The following AZI2 variants were observed in gnomAD, a reference collection of about 807,000 sequenced individuals.
The protein encoded by AZI2 is 5-azacytidine-induced protein 2.
AZI2 carries 22 observed loss-of-function variants against 45.8 expected under a neutral mutation model. The ratio of observed to expected loss-of-function variants is 0.48; its 90% CI spans 0.34 to 0.69. The LOEUF (loss-of-function observed/expected upper bound fraction) is 0.69. Ranked by LOEUF, AZI2 falls within the 30% of genes least tolerant of loss-of-function variation. The pLI, the probability that AZI2 is intolerant of heterozygous loss-of-function variation, is 0.01. For synonymous variants in AZI2, 137 were observed against 156.7 expected (o/e 0.87, Z 0.94); for missense variants, 417 against 441.5 (o/e 0.94, Z 0.50).
chr3:28,343,515 T>C (rs1376257262), intron 1 of AZI2, among the ~76,000 whole-genome samples: 1 of 151,986 alleles, frequency 6.6e-6, no homozygotes, highest in Non-Finnish European at 1.5e-5. Flanking sequence ...GATTAAAGGG[T>C]GTGAATACTT....
chr3:28,338,998 G>A (rs60023459), intron 2 of AZI2, among the ~76,000 whole-genome samples: 1 of 143,236 alleles, frequency 7.0e-6, no homozygotes, highest in African/African-American at 2.6e-5. Flanking sequence ...TTTTTTTTTC[G>A]AGACTGAGTT....
intron 6 of AZI2, among the ~76,000 whole-genome samples, chr3:28,330,666 G>GTT (rs2125643871): frequency 6.6e-6 from 1 of 151,350 alleles, no homozygotes; most frequent in East Asian, 1.9e-4. Context: ...TTGGTTATAA[G>GTT]TTTTCTAGTA....
At chr3:28,338,675 T>G in intron 2 of AZI2, 60 bp from the exon 3 acceptor site, 1 of 1,481,210 alleles carries the variant, frequency 6.8e-7, no homozygotes, top group Non-Finnish European at 9.1e-7. Flanking sequence ...AAAAAATAAG[T>G]CAGTGTTCTG....
chr3:28,339,970 A>C (rs1343713984), intron 2 of AZI2, among the ~76,000 whole-genome samples: 2 of 152,182 alleles, frequency 1.3e-5, no homozygotes, highest in African/African-American at 4.8e-5. Flanking sequence ...CATGTGTTAA[A>C]GAAGAGAAAG....
chr3:28,326,707 G>C, intron 7 of AZI2, 125 bp downstream of exon 7: 1 of 793,630 alleles, frequency 1.3e-6, no homozygotes, highest in Non-Finnish European at 2.3e-6. Flanking sequence ...GGTAGGCTGC[G>C]AATGTACTAT....
rs1703408537 is a variant in AZI2, at chr3:28,326,830, G to A, written c.766+2C>T. On this transcript the variant is annotated splice_donor_variant, in intron 7 of 7. Coordinates refer to ENST00000479665, the MANE Select transcript of AZI2 (RefSeq NM_022461.5). LOFTEE classifies it low-confidence loss of function (GC_TO_GT_DONOR). ...AGTGGTTTCCGGTAAACAGTGACTT[G>A]CCTTTCTTGATTGCAGTTGAGGTTT... 1.3e-6 allele frequency: 2 copies of A among 1,597,672 alleles called. No homozygotes were observed. Among genetic ancestry groups the A allele is most frequent in the Non-Finnish European group, 1.7e-6 (2 of 1,166,096 alleles).
At chr3:28,330,154 C>T (rs1703520952) in intron 6 of AZI2, among the ~76,000 whole-genome samples, 1 of 151,074 alleles carries the variant, frequency 6.6e-6, no homozygotes, top group Non-Finnish European at 1.5e-5. Flanking sequence ...AACCTAAAGC[C>T]AAAATCAAAA....
At chr3:28,339,126 C>T (rs1335193502) in intron 2 of AZI2, among the ~76,000 whole-genome samples, 1 of 151,860 alleles carries the variant, frequency 6.6e-6, no homozygotes, top group Non-Finnish European at 1.5e-5. Flanking sequence ...AATATAGGTG[C>T]ACCACCACGC....
chr3:28,322,611 G>C lies in AZI2; in HGVS notation c.*1431C>G, dbSNP rs749940339. 1 of 151,544 alleles carries C rather than the reference G, an allele frequency of 6.6e-6. No individual in the cohort carries two copies. The highest frequency in any genetic ancestry group is 1.5e-5 in the Non-Finnish European group (1 of 67,412). 9.4% of individuals were successfully genotyped at this position (151,544 alleles called of 1,614,324 possible). ...TCCTTCAGCTAAAGCCTGGAGTATTGTATTTCTTTTATGCATATTGGGTTT... is the reference window on the plus strand; with the variant it reads ...TCCTTCAGCTAAAGCCTGGAGTATTCTATTTCTTTTATGCATATTGGGTTT... On this transcript the variant is annotated 3_prime_UTR_variant, in exon 8 of 8. Transcript: ENST00000479665.
At chr3:28,346,396 G>C (rs1704230581) in intron 1 of AZI2, among the ~76,000 whole-genome samples, 1 of 152,050 alleles carries the variant, frequency 6.6e-6, no homozygotes, top group Admixed American at 6.6e-5. Flanking sequence ...ACAGAGAGAA[G>C]GGAATTCACA....
At chr3:28,333,740 G>C (rs1217207252) in intron 5 of AZI2, among the ~76,000 whole-genome samples, 1 of 151,510 alleles carries the variant, frequency 6.6e-6, no homozygotes, top group Non-Finnish European at 1.5e-5. Context: ...ATGTCCTAAA[G>C]GTGGTAATGG....
intron 1 of AZI2, among the ~76,000 whole-genome samples, chr3:28,344,091 C>G (rs1704133812): frequency 6.6e-6 from 1 of 151,926 alleles, no homozygotes; most frequent in Non-Finnish European, 1.5e-5. Context: ...GGAAAAGCAG[C>G]ATCAAATTGC....
intron 6 of AZI2, chr3:28,331,679 A>C: frequency 7.7e-7 from 1 of 1,291,354 alleles, no homozygotes; most frequent in Non-Finnish European, 9.9e-7. Flanking sequence ...CCAAATGATA[A>C]AACAATGAAG....
intron 1 of AZI2, 35 bp from the exon 2 acceptor site, chr3:28,340,657 T>G: frequency 6.7e-7 from 1 of 1,487,080 alleles, no homozygotes; most frequent in Non-Finnish European, 9.2e-7. Flanking sequence ...GTGACAAATG[T>G]CTCACTGAAT....
At chr3:28,345,536 T>C (rs1028622001) in intron 1 of AZI2, among the ~76,000 whole-genome samples, 3 of 152,174 alleles carry the variant, frequency 2.0e-5, no homozygotes, top group East Asian at 3.9e-4. Flanking sequence ...TTAGAAAAGA[T>C]TGAGGTAAAC....
At chr3:28,341,468 C>T (rs183632000) in intron 1 of AZI2, 2 of 152,104 alleles carry the variant, frequency 1.3e-5, no homozygotes, top group Admixed American at 6.6e-5. Context: ...GAGTAGGATT[C>T]AAATCAAACT....
At chr3:28,329,719 T>A (rs1703506687) in intron 6 of AZI2, among the ~76,000 whole-genome samples, 1 of 151,286 alleles carries the variant, frequency 6.6e-6, no homozygotes, top group African/African-American at 2.4e-5. Flanking sequence ...AACTATGGGA[T>A]ATTCTTAGCC....
chr3:28,327,108 A>G (rs933378974), intron 6 of AZI2, 158 bp from the exon 7 acceptor site: 3 of 566,228 alleles, frequency 5.3e-6, no homozygotes, highest in African/African-American at 3.8e-5. Flanking sequence ...TAGGGCATTA[A>G]TAAGTGAAAA....
intron 3 of AZI2, 75 bp from the exon 4 acceptor site, chr3:28,338,111 T>C (rs1184874644): frequency 1.9e-5 from 15 of 804,852 alleles, no homozygotes; most frequent in East Asian, 3.0e-5. Context: ...TTCAGGAAGA[T>C]ACTGAAAAAA....
Sources: gnomAD v4.1 joint callset for allele counts (sites outside exome capture counted in the v4.1 genomes callset) on GRCh38, gnomAD v4.1.1 for gene constraint, MANE v1.5 for transcripts, NCBI Gene and HGNC (gene_info 2026-07-23, HGNC 2026-07-21) for gene names.